Variants in WWC1 observed in about 807,000 individuals in gnomAD.
The protein encoded by WWC1 is protein KIBRA.
WWC1 carries 55 observed loss-of-function variants against 138.4 expected under a neutral mutation model. The observed-to-expected ratio is 0.40, with a 90% CI of 0.32 to 0.50. The LOEUF is 0.50. Among genes scored for constraint, WWC1 ranks in the 20% least tolerant of loss-of-function variants. The pLI is 0.72. For missense variants in WWC1, 1,226 were observed against 1,420.4 expected (o/e 0.86, Z 2.20); for synonymous variants, 524 against 564.9 (o/e 0.93, Z 1.03).
intron 17 of WWC1, among the ~76,000 whole-genome samples, chr5:168,445,765 T>C (rs62384135): frequency 0.46 from 68,413 of 148,958 alleles, 16,922 homozygotes; most frequent in African/African-American, 0.66. Flanking sequence ...GTCAGCCCCA[T>C]GGTGTTACTG....
chr5:168,328,325 C>T (rs1445345125), intron 1 of WWC1, among the ~76,000 whole-genome samples: 1 of 152,174 alleles, frequency 6.6e-6, no homozygotes, highest in Non-Finnish European at 1.5e-5. Flanking sequence ...TCCTGGTGCA[C>T]CCTTTCTTCA....
At chr5:168,399,183 G>A (rs1374082797) in intron 4 of WWC1, among the ~76,000 whole-genome samples, 1 of 151,564 alleles carries the variant, frequency 6.6e-6, no homozygotes, top group African/African-American at 2.4e-5. Context: ...TTCACACAGC[G>A]AGGAAGTGGG....
At chr5:168,301,458 AAAC>A (rs1361675422) in intron 1 of WWC1, among the ~76,000 whole-genome samples, 4 of 152,174 alleles carry the variant, frequency 2.6e-5, no homozygotes, top group African/African-American at 9.7e-5. Context: ...CAACATGGTG[AAAC>A]ACCATCTCTA....
chr5:168,404,628 G>T (rs4976549), intron 5 of WWC1, among the ~76,000 whole-genome samples: 58,961 of 152,030 alleles, frequency 0.39, 12,231 homozygotes, highest in East Asian at 0.72. Context: ...AGTTTGGTCT[G>T]TAGCAGGAAA....
intron 3 of WWC1, among the ~76,000 whole-genome samples, chr5:168,389,450 CAAA>C (rs71310058): frequency 4.2e-5 from 4 of 95,018 alleles, no homozygotes; most frequent in Non-Finnish European, 6.5e-5. Flanking sequence ...GACTCCATCT[CAAA>C]AAAAAAAAAA....
chr5:168,456,330 G>C (rs574018853), intron 19 of WWC1, among the ~76,000 whole-genome samples: 1 of 150,396 alleles, frequency 6.6e-6, no homozygotes, highest in Admixed American at 6.6e-5. Flanking sequence ...TTAAATTAAA[G>C]GGCAGTTAAA....
chr5:168,457,110 C>T (rs34966676), intron 19 of WWC1, among the ~76,000 whole-genome samples: 46,121 of 148,634 alleles, frequency 0.31, 8,256 homozygotes, highest in Middle Eastern at 0.44. Flanking sequence ...TCCCAGCCAA[C>T]GGAGATCACA....
chr5:168,331,576 C>T (rs1237364967), intron 1 of WWC1, among the ~76,000 whole-genome samples: 1 of 152,154 alleles, frequency 6.6e-6, no homozygotes. Flanking sequence ...TTGTTTTGCA[C>T]GTTAATATCT....
At chr5:168,409,513 C>G (rs1780062408) in intron 7 of WWC1, among the ~76,000 whole-genome samples, 2 of 152,214 alleles carry the variant, frequency 1.3e-5, no homozygotes, top group South Asian at 4.1e-4. Context: ...GTGTTTCACT[C>G]CTGACTGCAG....
chr5:168,385,382 T>C lies in WWC1; in HGVS notation c.401T>C (p.Val134Ala), dbSNP rs1424896937. The C allele has an allele frequency of 6.2e-7, 1 of 1,613,964 alleles. No homozygotes were observed. Among genetic ancestry groups the C allele is most frequent in the Non-Finnish European group, 8.5e-7 (1 of 1,179,986 alleles). Residue 134 changes from valine to alanine, a missense_variant, in exon 3 of 23, where the codon GTC becomes GCC. By Grantham distance (64) the Val-to-Ala change is moderately conservative. Transcript: ENST00000265293. ...AQQEYQQLHA[V>A]WEHKLGSQVS... is the part of the protein sequence containing the mutation. ...CAGGAGTACCAGCAACTGCATGCCG[T>C]CTGGGAGCATAAGCTGGGCTCCCAG...
At chr5:168,299,381 T>A (rs563633395) in intron 1 of WWC1, among the ~76,000 whole-genome samples, 1 of 152,332 alleles carries the variant, frequency 6.6e-6, no homozygotes, top group East Asian at 1.9e-4. Context: ...GGAGACTGTT[T>A]GGCATAAACT....
chr5:168,359,262 C>T (rs1411906183), intron 1 of WWC1, among the ~76,000 whole-genome samples: 4 of 152,192 alleles, frequency 2.6e-5, no homozygotes, highest in South Asian at 2.1e-4. Context: ...CCATGTTGCC[C>T]GGGCTAGTGT....
At chr5:168,313,495 G>A (rs1048801223) in intron 1 of WWC1, among the ~76,000 whole-genome samples, 2 of 152,000 alleles carry the variant, frequency 1.3e-5, no homozygotes, top group African/African-American at 4.8e-5. Flanking sequence ...GGAGGCTGAG[G>A]CAGGAGAATT....
At chr5:168,377,526 A>G (rs554918512) in intron 2 of WWC1, among the ~76,000 whole-genome samples, 4 of 152,360 alleles carry the variant, frequency 2.6e-5, no homozygotes, top group Admixed American at 6.5e-5. Flanking sequence ...TTTGTAAACT[A>G]TGCATCCAGT....
chr5:168,396,002 A>G (rs2152828615), intron 3 of WWC1, among the ~76,000 whole-genome samples: 1 of 152,366 alleles, frequency 6.6e-6, no homozygotes, highest in East Asian at 1.9e-4. Context: ...GACACTGACA[A>G]TTGCCAGCAA....
At chr5:168,392,269 G>GTCAT (rs1286502567) in intron 3 of WWC1, among the ~76,000 whole-genome samples, 2 of 152,110 alleles carry the variant, frequency 1.3e-5, no homozygotes, top group African/African-American at 4.8e-5. Context: ...ACAGTGCCAG[G>GTCAT]TCATTACCCT....
intron 2 of WWC1, among the ~76,000 whole-genome samples, chr5:168,374,846 T>C (rs1207250152): frequency 6.6e-6 from 1 of 152,176 alleles, no homozygotes; most frequent in Non-Finnish European, 1.5e-5. Context: ...AGGGTGAAGA[T>C]TGGCCAGATG....
Position 168,464,961 on chromosome 5 carries a change from G to T in WWC1, c.3149G>T (p.Arg1050Leu). The T allele has an allele frequency of 6.2e-7, 1 of 1,613,682 alleles. No individual in the cohort carries two copies. Residue 1050 changes from arginine (R) to leucine (L), a missense_variant and splice_region_variant, in exon 21 of 23, where the codon CGG becomes CTG. By Grantham distance (102) the Arg-to-Leu change is moderately radical. Transcript: ENST00000265293. ...CTGCTGCTGAGGATGCTGGAGAAGC[G>T]GGTGAGTTCTGCCTCGAAGGCAGGG... is the stretch of plus-strand genomic sequence containing the variant. ...FRLLLRMLEKRQMDRAEHKGE... is the reference protein window; with the variant it reads ...FRLLLRMLEKLQMDRAEHKGE...
At chr5:168,444,706 C>T (rs1755081474) in intron 17 of WWC1, 121 bp downstream of exon 17, 2 of 1,026,076 alleles carry the variant, frequency 1.9e-6, no homozygotes, top group African/African-American at 3.1e-5. Context: ...GAGAACCCCT[C>T]TCCTCATGGG....
Sources: allele counts gnomAD v4.1 joint callset (sites outside exome capture counted in the v4.1 genomes callset), GRCh38; gene constraint gnomAD v4.1.1; transcripts MANE v1.5; gene names NCBI Gene and HGNC (gene_info 2026-07-23, HGNC 2026-07-21).